Variants in KANSL1 observed in about 807,000 individuals in gnomAD.
KANSL1 encodes KAT8 regulatory NSL complex subunit 1.
In KANSL1, 22 loss-of-function variants were observed where a neutral mutation model predicts 103.6. The ratio of observed to expected loss-of-function variants is 0.21; its 90% CI spans 0.15 to 0.30. The LOEUF is 0.30. Ranked by LOEUF, KANSL1 falls within the 10% of genes least tolerant of loss-of-function variation. KANSL1 has a pLI of 1.00. For missense variants in KANSL1, 1,337 were observed against 1,399.8 expected (o/e 0.96, Z 0.72); for synonymous variants, 600 against 527.6 (o/e 1.14, Z -1.88).
At chr17:46,146,665 C>A (rs533780372) in intron 2 of KANSL1, among the ~76,000 whole-genome samples, 6 of 130,736 alleles carry the variant, frequency 4.6e-5, no homozygotes, top group African/African-American at 1.5e-4. Context: ...AACCCCGTCT[C>A]TACTAAAAAT....
At chr17:46,145,987 C>T (rs1050439004) in intron 2 of KANSL1, among the ~76,000 whole-genome samples, 1 of 152,238 alleles carries the variant, frequency 6.6e-6, no homozygotes, top group Admixed American at 6.5e-5. Context: ...CCTTGGCCCC[C>T]TCAAAGTGCT....
At chr17:46,087,547 C>T (rs1295953447) in intron 3 of KANSL1, among the ~76,000 whole-genome samples, 4 of 152,164 alleles carry the variant, frequency 2.6e-5, no homozygotes, top group African/African-American at 4.8e-5. Context: ...AGCTTATGTT[C>T]ATCTAGCCTT....
At chr17:46,118,853 T>C (rs2043156681) in intron 2 of KANSL1, among the ~76,000 whole-genome samples, 1 of 152,222 alleles carries the variant, frequency 6.6e-6, no homozygotes, top group East Asian at 1.9e-4. Context: ...TTAAGAATAA[T>C]CCTAGATTAA....
At chr17:46,036,674 G>A (rs182931596) in intron 10 of KANSL1, among the ~76,000 whole-genome samples, 45 of 152,042 alleles carry the variant, frequency 3.0e-4, no homozygotes, top group Middle Eastern at 3.4e-3. Flanking sequence ...AATCCCCACT[G>A]CAGATACTGC....
chr17:46,044,561 G>A (rs2077437601), intron 7 of KANSL1: 1 of 152,176 alleles, frequency 6.6e-6, no homozygotes, highest in South Asian at 2.1e-4. Flanking sequence ...CTTTTATAAA[G>A]TTAACAAGCT....
intron 2 of KANSL1, among the ~76,000 whole-genome samples, chr17:46,143,094 C>A (rs1486689371): frequency 2.0e-5 from 3 of 152,186 alleles, no homozygotes; most frequent in Non-Finnish European, 4.4e-5. Context: ...TTTATGCACA[C>A]AGCTAAAATA....
At chr17:46,183,849 G>A (rs1459115685) in intron 1 of KANSL1, among the ~76,000 whole-genome samples, 2 of 152,132 alleles carry the variant, frequency 1.3e-5, no homozygotes, top group African/African-American at 2.4e-5. Flanking sequence ...GGAGGCAGCG[G>A]CTGCAGTGAG....
intron 1 of KANSL1, among the ~76,000 whole-genome samples, chr17:46,199,853 T>G (rs1315085832): frequency 6.6e-6 from 1 of 152,212 alleles, no homozygotes; most frequent in Non-Finnish European, 1.5e-5. Context: ...CTGAATACAA[T>G]TATATCACTG....
intron 1 of KANSL1, among the ~76,000 whole-genome samples, chr17:46,213,393 T>C (rs2668662): frequency 0.14 from 21,938 of 151,714 alleles, 2,136 homozygotes; most frequent in Middle Eastern, 0.22. Flanking sequence ...CTCCGCCTGC[T>C]GGGTTCACAC....
chr17:46,118,485 T>G (rs186991406), intron 2 of KANSL1, among the ~76,000 whole-genome samples: 12 of 152,338 alleles, frequency 7.9e-5, no homozygotes, highest in African/African-American at 2.9e-4. Flanking sequence ...GAGATCAAAC[T>G]TTAAGCATGC....
At chr17:46,086,665 A>C (rs2079175798) in intron 3 of KANSL1, among the ~76,000 whole-genome samples, 1 of 152,160 alleles carries the variant, frequency 6.6e-6, no homozygotes, top group Non-Finnish European at 1.5e-5. Flanking sequence ...AGAAGTGGAA[A>C]TGGTGGGGTT....
chr17:46,141,456 T>G (rs964502556), intron 2 of KANSL1, among the ~76,000 whole-genome samples: 13 of 152,242 alleles, frequency 8.5e-5, no homozygotes, highest in African/African-American at 3.1e-4. Flanking sequence ...TAGGGGCTGC[T>G]TAAGGGTCTA....
At chr17:46,098,846 CAAG>C (rs1167476171) in intron 2 of KANSL1, among the ~76,000 whole-genome samples, 1 of 152,190 alleles carries the variant, frequency 6.6e-6, no homozygotes, top group African/African-American at 2.4e-5. Flanking sequence ...CTCAAGCGTC[CAAG>C]AAGTATCTTG....
chr17:46,140,539 A>AAC (rs1555563618), intron 2 of KANSL1, among the ~76,000 whole-genome samples: 15 of 152,062 alleles, frequency 9.9e-5, no homozygotes, highest in Non-Finnish European at 1.6e-4. Context: ...CAAAAAAAAA[A>AAC]CATAAATTGG....
At chr17:46,122,218 C>G (rs2043312137) in intron 2 of KANSL1, among the ~76,000 whole-genome samples, 1 of 152,310 alleles carries the variant, frequency 6.6e-6, no homozygotes, top group Admixed American at 6.5e-5. Context: ...TCCTTTGACT[C>G]TCTTAAAGGC....
Position 46,034,135 on chromosome 17 carries a change from A to G in KANSL1, c.2666+26T>C, listed in dbSNP as rs757306930. 3 of 1,612,036 alleles carry G rather than the reference A, an allele frequency of 1.9e-6. No individual in the cohort carries two copies. In the Admixed American group the frequency reaches 5.0e-5, roughly 27 times the overall value. On this transcript the variant is annotated intron_variant, in intron 11 of 14. Transcript: ENST00000432791. ...GGGCAATAGCAGGAAGAATGGGGAG[A>G]GGAGCCAACTATTCTGAGCTTCTAC...
chr17:46,065,829 C>CT (rs1458699231), intron 6 of KANSL1, among the ~76,000 whole-genome samples: 6 of 151,996 alleles, frequency 3.9e-5, no homozygotes, highest in African/African-American at 7.3e-5. Context: ...TGAAGACAAA[C>CT]TTTTTTTTAG....
intron 2 of KANSL1, among the ~76,000 whole-genome samples, chr17:46,144,236 G>C (rs2696590): frequency 0.14 from 21,948 of 152,194 alleles, 2,137 homozygotes; most frequent in Non-Finnish European, 0.22. Flanking sequence ...AGACTGCACA[G>C]TTCTAGACTT....
intron 2 of KANSL1, among the ~76,000 whole-genome samples, chr17:46,096,743 G>C (rs62061800): frequency 0.14 from 21,379 of 151,228 alleles, 2,087 homozygotes; most frequent in Non-Finnish European, 0.21. Context: ...CTCAGCCTCC[G>C]GAGTAACTGG....
Sources: allele counts gnomAD v4.1 joint callset (sites outside exome capture counted in the v4.1 genomes callset), GRCh38; gene constraint gnomAD v4.1.1; transcripts MANE v1.5; gene names NCBI Gene and HGNC (gene_info 2026-07-23, HGNC 2026-07-21).